Variants in MTBP observed in about 807,000 individuals in gnomAD.
MTBP encodes the protein mdm2-binding protein.
Under a neutral mutation model 117.0 loss-of-function variants are expected in MTBP, and 101 were observed. That is an observed-to-expected ratio of 0.86 (90% confidence interval 0.73 to 1.02). The LOEUF (loss-of-function observed/expected upper bound fraction) is 1.02. MTBP is among the 50% of genes least tolerant of loss of function. The pLI is 0.00. For synonymous variants in MTBP, 350 were observed against 351.5 expected, an observed-to-expected ratio of 1.00 and a Z score of 0.05; for missense variants, 970 against 1,030.9, an observed-to-expected ratio of 0.94 and a Z score of 0.81.
chr8:120,493,572 C>G lies in MTBP; in HGVS notation c.1447+3002C>G, dbSNP rs372174901. Among the ~76,000 whole-genome samples, 103 of 151,980 alleles carry G rather than the reference C, an allele frequency of 6.8e-4. 1 individual carries two copies. Among genetic ancestry groups the G allele is most frequent in the African/African-American group, 2.3e-3 (96 of 41,424 alleles). On this transcript the variant is annotated intron_variant, in intron 13 of 21. Coordinates refer to ENST00000305949, the MANE Select transcript of MTBP (RefSeq NM_022045.5). The stretch of plus-strand genomic sequence containing the variant: ...GTGGCATGATCTTGGCCCACTGCAA[C>G]TTCCACCTCCCAAGTTCAAGTGATT...
intron 9 of MTBP, among the ~76,000 whole-genome samples, chr8:120,463,153 T>C (rs1199893321): frequency 6.6e-6 from 1 of 152,150 alleles, no homozygotes; most frequent in Non-Finnish European, 1.5e-5. Context: ...AAACAAGTAA[T>C]TTATAAACTT....
intron 10 of MTBP, among the ~76,000 whole-genome samples, chr8:120,467,974 C>T (rs1210681015): frequency 6.6e-6 from 1 of 152,138 alleles, no homozygotes; most frequent in Non-Finnish European, 1.5e-5. Context: ...GTTGAGAAAG[C>T]TATAACTGGG....
chr8:120,493,645 C>T (rs1409289471), intron 13 of MTBP, among the ~76,000 whole-genome samples: 1 of 151,988 alleles, frequency 6.6e-6, no homozygotes, highest in Non-Finnish European at 1.5e-5. Flanking sequence ...CATGTACCAC[C>T]ACGCCAGGCT....
At chr8:120,467,284 T>C (rs964095648) in intron 10 of MTBP, among the ~76,000 whole-genome samples, 2 of 152,194 alleles carry the variant, frequency 1.3e-5, no homozygotes, top group Non-Finnish European at 2.9e-5. Flanking sequence ...CAATGACTGC[T>C]TGTTGGAGAG....
chr8:120,460,562 A>T (rs1188700509), intron 8 of MTBP, among the ~76,000 whole-genome samples: 1 of 152,156 alleles, frequency 6.6e-6, no homozygotes, highest in African/African-American at 2.4e-5. Context: ...CTTCAGTAAC[A>T]AACTCTAATT....
intron 2 of MTBP, among the ~76,000 whole-genome samples, chr8:120,450,489 C>T (rs866972829): frequency 6.6e-6 from 1 of 152,072 alleles, no homozygotes; most frequent in Admixed American, 6.6e-5. Context: ...TGACACATAC[C>T]CTGGGGTGAC....
At chr8:120,456,330 AG>A (rs1340723290) in intron 6 of MTBP, among the ~76,000 whole-genome samples, 1 of 152,174 alleles carries the variant, frequency 6.6e-6, no homozygotes, top group East Asian at 1.9e-4. Context: ...CTTCATCCTT[AG>A]TACTAAAGAT....
At position 120,455,434 on chromosome 8, in the gene MTBP, G is replaced by T; in HGVS notation, c.485-1G>T. 1 of 1,583,816 alleles carries T rather than the reference G, an allele frequency of 6.3e-7. No homozygotes were observed. On this transcript the variant is annotated splice_acceptor_variant, in intron 5 of 21. Coordinates refer to ENST00000305949, the MANE Select transcript of MTBP (RefSeq NM_022045.5). LOFTEE classifies it high-confidence loss of function. ...ACAAAAATGCCTTTTTCTCTTTCTA[G>T]GTAGAGCAATGGTAGATATAATACT...
In MTBP at chr8:120,523,325, A is replaced by T; in HGVS notation, c.2704A>T (p.Ser902Cys). The change falls in exon 22 of 22, where the codon AGC becomes TGC. Residue 902 changes from serine (S) to cysteine (C), a missense_variant. Physicochemically the swap from Ser to Cys is moderately radical, Grantham distance 112. Coordinates refer to ENST00000305949, the MANE Select transcript of MTBP (RefSeq NM_022045.5). ...GATTGACTGGGTATTAGAAAAGACA[A>T]GCAAGAAATGATACATAATCATTCT... ...QVIDWVLEKT[S>C]KK 4 of 1,553,526 alleles carry T rather than the reference A, an allele frequency of 2.6e-6. No individual in the cohort carries two copies. Among genetic ancestry groups the T allele is most frequent in the Non-Finnish European group, 3.5e-6 (4 of 1,141,628 alleles).
At chr8:120,508,362 G>T (rs1481164668) in intron 16 of MTBP, among the ~76,000 whole-genome samples, 2 of 152,154 alleles carry the variant, frequency 1.3e-5, no homozygotes, top group African/African-American at 4.8e-5. Flanking sequence ...AGGTAAGGTT[G>T]CTGAGGGCGA....
intron 1 of MTBP, among the ~76,000 whole-genome samples, chr8:120,446,106 T>A (rs1813220769): frequency 6.6e-6 from 1 of 152,230 alleles, no homozygotes; most frequent in Non-Finnish European, 1.5e-5. Context: ...ATGTGTTCAT[T>A]TGTTTCGATC....
Position 120,456,658 on chromosome 8 carries a change from A to T in MTBP, c.735A>T (p.Ile245=). ...SKELWRGKIQ[I]WERKFGFEIS... is the part of the protein sequence containing the mutation. ...AATTATGGAGGGGGAAAATACAGAT[A>T]TGGGAAAGAAAGGTAAATGGATTAT... The change falls in exon 7 of 22, where the codon ATA becomes ATT. Residue 245 remains isoleucine (I), a synonymous_variant. Transcript: ENST00000305949. The T allele has an allele frequency of 6.4e-7, 1 of 1,559,004 alleles. No homozygotes were observed.
At chr8:120,510,324 A>G (rs894449514) in intron 17 of MTBP, among the ~76,000 whole-genome samples, 1 of 152,136 alleles carries the variant, frequency 6.6e-6, no homozygotes, top group Non-Finnish European at 1.5e-5. Flanking sequence ...GGTCACATTA[A>G]TATTTCCTGG....
At chr8:120,508,341 T>C (rs1270277176) in intron 16 of MTBP, among the ~76,000 whole-genome samples, 1 of 152,080 alleles carries the variant, frequency 6.6e-6, no homozygotes, top group African/African-American at 2.4e-5. Context: ...TGAGTGAAAT[T>C]AAACAAAAAT....
At chr8:120,480,595 A>G (rs1380891035) in intron 11 of MTBP, among the ~76,000 whole-genome samples, 1 of 152,222 alleles carries the variant, frequency 6.6e-6, no homozygotes, top group Non-Finnish European at 1.5e-5. Context: ...GAATACATAG[A>G]TCCATGGAAC....
At chr8:120,476,934 A>G (rs1262501588) in intron 11 of MTBP, among the ~76,000 whole-genome samples, 1 of 152,190 alleles carries the variant, frequency 6.6e-6, no homozygotes, top group Non-Finnish European at 1.5e-5. Context: ...AAAAGAGCTC[A>G]TATAGCCAAG....
chr8:120,515,644 T>C (rs1282575280), intron 17 of MTBP, among the ~76,000 whole-genome samples: 1 of 152,002 alleles, frequency 6.6e-6, no homozygotes, highest in Non-Finnish European at 1.5e-5. Flanking sequence ...CTGTATTATT[T>C]TGAAAATAAG....
At chr8:120,472,248 A>C (rs1175809401) in intron 11 of MTBP, 1 of 152,198 alleles carries the variant, frequency 6.6e-6, no homozygotes, top group Non-Finnish European at 1.5e-5. Context: ...GAGATACTGA[A>C]TTCTATTTTA....
In MTBP at chr8:120,446,437, CA is replaced by C. The variant is rs769099004; in HGVS notation, c.124del (p.Thr42GlnfsTer9). ...GEGTENQPDF[T>X]AANVYHLLKR... ...AGTCTATCTTTTCTTTTTCAGACTTCACAGCAGCAAATGTTTATCACCTCTT... is the reference window on the plus strand; with the variant it reads ...AGTCTATCTTTTCTTTTTCAGACTTCCAGCAGCAAATGTTTATCACCTCTT... On this transcript the variant is annotated frameshift_variant, in exon 2 of 22. Transcript: ENST00000305949. LOFTEE classifies it high-confidence loss of function. 1.2e-6 allele frequency: 2 copies of C among 1,602,758 alleles called. No individual in the cohort carries two copies. The highest frequency in any genetic ancestry group is 1.7e-6 in the Non-Finnish European group (2 of 1,170,046).
Sources: gnomAD v4.1 joint callset for allele counts (sites outside exome capture counted in the v4.1 genomes callset) on GRCh38, gnomAD v4.1.1 for gene constraint, MANE v1.5 for transcripts, NCBI Gene and HGNC (gene_info 2026-07-23, HGNC 2026-07-21) for gene names.